Variants in CAPZA2 observed in about 807,000 individuals in gnomAD.
CAPZA2 encodes F-actin-capping protein subunit alpha-2.
In CAPZA2, 13 loss-of-function variants were observed where a neutral mutation model predicts 44.0. The observed-to-expected ratio is 0.30, with a 90% CI of 0.19 to 0.47. The LOEUF is 0.47. Among genes scored for constraint, CAPZA2 ranks in the 20% least tolerant of loss-of-function variants. The pLI is 1.00. For synonymous variants in CAPZA2, 94 were observed against 108.2 expected, an observed-to-expected ratio of 0.87 and a Z score of 0.81; for missense variants, 244 against 338.6, an observed-to-expected ratio of 0.72 and a Z score of 2.19.
chr7:116,910,355 C>G (rs1791574826), intron 7 of CAPZA2, 44 bp downstream of exon 7: 1 of 915,240 alleles, frequency 1.1e-6, no homozygotes, highest in Non-Finnish European at 1.8e-6. Flanking sequence ...TGATTCTGAA[C>G]AGAGAAACAA....
At chr7:116,887,427 C>T (rs1030558439) in intron 1 of CAPZA2, among the ~76,000 whole-genome samples, 2 of 151,704 alleles carry the variant, frequency 1.3e-5, no homozygotes, top group Non-Finnish European at 2.9e-5. Context: ...GCTCAGGAGG[C>T]GGAGGTAGGA....
At chr7:116,865,466 G>A (rs1796472142) in intron 1 of CAPZA2, among the ~76,000 whole-genome samples, 1 of 151,576 alleles carries the variant, frequency 6.6e-6, no homozygotes, top group Admixed American at 6.6e-5. Context: ...GATTACAGGC[G>A]TGAGCCACCA....
chr7:116,865,691 C>T (rs1362249754), intron 1 of CAPZA2, among the ~76,000 whole-genome samples: 2 of 152,286 alleles, frequency 1.3e-5, no homozygotes, highest in South Asian at 2.1e-4. Context: ...GTCCTCTCAC[C>T]TCAGTCTCCC....
At chr7:116,915,712 TAA>T (rs1342882595) in intron 8 of CAPZA2, 2 of 160,004 alleles carry the variant, frequency 1.2e-5, no homozygotes, top group African/African-American at 4.8e-5. Flanking sequence ...AATATTCAGA[TAA>T]AGAGTCATCA....
intron 3 of CAPZA2, among the ~76,000 whole-genome samples, chr7:116,893,597 C>T (rs945477502): frequency 1.3e-5 from 2 of 152,096 alleles, no homozygotes; most frequent in African/African-American, 4.8e-5. Flanking sequence ...TCTAGCGGTG[C>T]CTTATACATT....
chr7:116,892,190 T>A (rs1178979863), intron 2 of CAPZA2, among the ~76,000 whole-genome samples: 1 of 152,208 alleles, frequency 6.6e-6, no homozygotes, highest in Non-Finnish European at 1.5e-5. Context: ...TCTTTTTACA[T>A]TTAACCAGTT....
Position 116,912,098 on chromosome 7 carries a change from G to A in CAPZA2, c.615G>A (p.Gln205=), listed in dbSNP as rs112570095. The change falls in exon 8 of 10, where the codon CAG becomes CAA. Residue 205 remains glutamine (Q), a synonymous_variant. Transcript: ENST00000361183. Reference sequence around the variant, plus strand: ...ATTATTATGAAGATGGTAATGTTCAGCTAGTGAGTCATAAAGATATACAAG... The same window carrying A: ...ATTATTATGAAGATGGTAATGTTCAACTAGTGAGTCATAAAGATATACAAG... The part of the protein sequence containing the change: ...QVHYYEDGNV[Q]LVSHKDIQDS... 5.6e-6 allele frequency: 9 copies of A among 1,612,994 alleles called. No individual in the cohort carries two copies. Among genetic ancestry groups the A allele is most frequent in the African/African-American group, 5.3e-5 (4 of 75,000 alleles).
intron 1 of CAPZA2, among the ~76,000 whole-genome samples, chr7:116,873,009 T>C (rs1052737331): frequency 6.6e-6 from 1 of 152,172 alleles, no homozygotes; most frequent in African/African-American, 2.4e-5. Flanking sequence ...GGAATCTGTA[T>C]TTTTTCCAAG....
chr7:116,894,083 G>T (rs1796890195), intron 3 of CAPZA2, among the ~76,000 whole-genome samples: 1 of 152,174 alleles, frequency 6.6e-6, no homozygotes, highest in South Asian at 2.1e-4. Flanking sequence ...CTGACTGATG[G>T]CTGGGTGCGG....
chr7:116,891,401 T>A (rs1327782389), intron 2 of CAPZA2, among the ~76,000 whole-genome samples: 1 of 152,236 alleles, frequency 6.6e-6, no homozygotes, highest in Non-Finnish European at 1.5e-5. Context: ...AATTATAAAT[T>A]TCTCTATTTT....
At chr7:116,878,996 C>T (rs564469024) in intron 1 of CAPZA2, among the ~76,000 whole-genome samples, 6 of 151,752 alleles carry the variant, frequency 4.0e-5, no homozygotes, top group African/African-American at 1.2e-4. Flanking sequence ...CATGGTGGCA[C>T]GTGCCTGTAA....
chr7:116,890,443 G>A (rs372844356), intron 2 of CAPZA2, among the ~76,000 whole-genome samples: 21 of 147,158 alleles, frequency 1.4e-4, no homozygotes, highest in Admixed American at 2.1e-4. Flanking sequence ...GGCCAAGCCC[G>A]GTGGATCACC....
intron 1 of CAPZA2, among the ~76,000 whole-genome samples, chr7:116,868,610 T>C (rs1218292494): frequency 6.6e-6 from 1 of 152,138 alleles, no homozygotes; most frequent in Non-Finnish European, 1.5e-5. Context: ...GTCGTGCACC[T>C]GTAGTCCCAG....
chr7:116,876,944 C>T (rs1330192874), intron 1 of CAPZA2, among the ~76,000 whole-genome samples: 1 of 152,192 alleles, frequency 6.6e-6, no homozygotes, highest in Non-Finnish European at 1.5e-5. Context: ...ATCCCTGGTT[C>T]TCAGGACGTG....
At chr7:116,913,554 C>A (rs150355040) in intron 8 of CAPZA2, among the ~76,000 whole-genome samples, 4 of 152,028 alleles carry the variant, frequency 2.6e-5, no homozygotes, top group African/African-American at 4.8e-5. Context: ...CCACAGAATT[C>A]TTTCACACAT....
intron 1 of CAPZA2, among the ~76,000 whole-genome samples, chr7:116,872,882 G>C (rs1796570047): frequency 6.6e-6 from 1 of 152,146 alleles, no homozygotes; most frequent in Admixed American, 6.5e-5. Flanking sequence ...AAGTCCCTTA[G>C]GGCATGGGTG....
At position 116,921,197 on chromosome 7, in the gene CAPZA2, A is replaced by G. The variant is rs1791765897; in HGVS notation, c.*3330A>G. ...TCCAGAGATCAAGACCATCCTGGCC[A>G]ATATGGTGCAACCCCATCTCTACTA... is the stretch of plus-strand genomic sequence containing the variant. On this transcript the variant is annotated 3_prime_UTR_variant, in exon 10 of 10. Transcript: ENST00000361183. The G allele has an allele frequency of 6.6e-6, 1 of 152,226 alleles. No homozygotes were observed. The highest frequency in any genetic ancestry group is 1.5e-5 in the Non-Finnish European group (1 of 68,150). The allele number at this position is 152,226 out of a possible 1,614,324, so 9.4% of individuals were successfully genotyped here.
chr7:116,892,723 G>C (rs941805463), intron 2 of CAPZA2, among the ~76,000 whole-genome samples: 1 of 151,986 alleles, frequency 6.6e-6, no homozygotes. Context: ...CCATGGGTTG[G>C]ACAAGCTTGG....
intron 1 of CAPZA2, among the ~76,000 whole-genome samples, chr7:116,864,973 AT>A (rs371598324): frequency 4.5e-4 from 69 of 152,270 alleles, no homozygotes; most frequent in African/African-American, 1.5e-3. Context: ...GTCTAGTACC[AT>A]ACTTTATATA....
Sources: allele counts gnomAD v4.1 joint callset (sites outside exome capture counted in the v4.1 genomes callset), GRCh38; gene constraint gnomAD v4.1.1; transcripts MANE v1.5; gene names NCBI Gene and HGNC (gene_info 2026-07-23, HGNC 2026-07-21).